CRYL1: variants seen among roughly 807,000 people sequenced by gnomAD.
The protein encoded by CRYL1 is lambda-crystallin homolog.
In CRYL1, 29 loss-of-function variants were observed where a neutral mutation model predicts 36.6. The ratio of observed to expected loss-of-function variants is 0.79; its 90% CI spans 0.59 to 1.08. CRYL1 has a LOEUF of 1.08. CRYL1 is among the 50% of genes least tolerant of loss of function. The pLI is 0.00. For synonymous variants in CRYL1, 152 were observed against 151.5 expected, an observed-to-expected ratio of 1.00 and a Z score of -0.02; for missense variants, 411 against 407.9, an observed-to-expected ratio of 1.01 and a Z score of -0.06.
intron 1 of CRYL1, among the ~76,000 whole-genome samples, chr13:20,521,435 G>A (rs2034097166): frequency 6.6e-6 from 1 of 152,076 alleles, no homozygotes; most frequent in African/African-American, 2.4e-5. Context: ...TCTGTTTCAG[G>A]TTTCCCTCAG....
At chr13:20,524,668 C>G (rs529026893) in intron 1 of CRYL1, among the ~76,000 whole-genome samples, 111 of 152,262 alleles carry the variant, frequency 7.3e-4, no homozygotes, top group African/African-American at 2.3e-3. Flanking sequence ...TGAGCCACCG[C>G]GCGCGGCCCA....
chr13:20,429,063 G>T (rs7338455), intron 5 of CRYL1, among the ~76,000 whole-genome samples: 2 of 151,916 alleles, frequency 1.3e-5, no homozygotes. Context: ...GTTGCCCCCC[G>T]ACCAATGCTC....
chr13:20,410,640 G>GA (rs1458301751), intron 6 of CRYL1, among the ~76,000 whole-genome samples: 1 of 152,012 alleles, frequency 6.6e-6, no homozygotes, highest in African/African-American at 2.4e-5. Flanking sequence ...AAACAACAAC[G>GA]AAAAAAACTA....
At chr13:20,482,302 A>G (rs923739218) in intron 3 of CRYL1, among the ~76,000 whole-genome samples, 3 of 152,168 alleles carry the variant, frequency 2.0e-5, no homozygotes, top group Non-Finnish European at 4.4e-5. Context: ...TTGTGTAAGG[A>G]AACCCCATTT....
chr13:20,407,896 T>C (rs920383761), intron 6 of CRYL1, among the ~76,000 whole-genome samples: 2 of 152,156 alleles, frequency 1.3e-5, no homozygotes, highest in Non-Finnish European at 2.9e-5. Flanking sequence ...TGTTCCCATG[T>C]ATGCAGCAGG....
At chr13:20,489,606 G>A in intron 2 of CRYL1, 110 bp from the exon 3 acceptor site, 4 of 1,327,208 alleles carry the variant, frequency 3.0e-6, no homozygotes, top group Non-Finnish European at 4.2e-6. Flanking sequence ...ACCACAGTGA[G>A]ATACCACCTC....
At chr13:20,470,275 G>C (rs575242393) in intron 3 of CRYL1, among the ~76,000 whole-genome samples, 1 of 152,324 alleles carries the variant, frequency 6.6e-6, no homozygotes, top group African/African-American at 2.4e-5. Context: ...TTCAAGCACA[G>C]CCTCAAGCAC....
At chr13:20,517,237 T>C (rs2034015950) in intron 1 of CRYL1, among the ~76,000 whole-genome samples, 1 of 152,156 alleles carries the variant, frequency 6.6e-6, no homozygotes, top group Non-Finnish European at 1.5e-5. Flanking sequence ...ACAAATGCAG[T>C]ACAGGCCGAG....
chr13:20,457,147 A>G (rs1474972464), intron 3 of CRYL1, among the ~76,000 whole-genome samples: 3 of 152,100 alleles, frequency 2.0e-5, no homozygotes, highest in African/African-American at 7.2e-5. Context: ...ACAGGAAGTC[A>G]TCCTCCATCC....
intron 3 of CRYL1, among the ~76,000 whole-genome samples, chr13:20,442,633 T>C (rs1593447669): frequency 2.6e-5 from 4 of 152,294 alleles, no homozygotes; most frequent in Admixed American, 2.6e-4. Context: ...CCATGCACTC[T>C]CAACTCTGTC....
At chr13:20,517,704 A>C (rs990105571) in intron 1 of CRYL1, among the ~76,000 whole-genome samples, 1 of 152,140 alleles carries the variant, frequency 6.6e-6, no homozygotes, top group Non-Finnish European at 1.5e-5. Flanking sequence ...TGGGAGGCCG[A>C]GGCGGGTGGA....
intron 2 of CRYL1, among the ~76,000 whole-genome samples, chr13:20,503,238 TGAACTCA>T (rs574215049): frequency 1.3e-5 from 2 of 152,162 alleles, no homozygotes; most frequent in Non-Finnish European, 2.9e-5. Flanking sequence ...GCAGGATCTG[TGAACTCA>T]CAGGGAAGTC....
chr13:20,523,870 T>C (rs912926109), intron 1 of CRYL1, among the ~76,000 whole-genome samples: 8 of 152,212 alleles, frequency 5.3e-5, no homozygotes, highest in African/African-American at 1.9e-4. Context: ...TCCTCCTCAG[T>C]AGACTGAGCC....
chr13:20,451,010 A>G (rs1321657240), intron 3 of CRYL1, among the ~76,000 whole-genome samples: 2 of 146,274 alleles, frequency 1.4e-5, no homozygotes, highest in African/African-American at 2.5e-5. Context: ...GAACTGAACA[A>G]TGAGAACACT....
intron 6 of CRYL1, among the ~76,000 whole-genome samples, chr13:20,407,979 G>C (rs2031420863): frequency 6.6e-6 from 1 of 152,180 alleles, no homozygotes; most frequent in African/African-American, 2.4e-5. Flanking sequence ...GCTCCTTGGA[G>C]AGCCTTAATT....
chr13:20,495,662 G>A (rs944862418), intron 2 of CRYL1, among the ~76,000 whole-genome samples: 26 of 152,170 alleles, frequency 1.7e-4, no homozygotes. Flanking sequence ...GAACTGAAGC[G>A]GGATCGCAAA....
At chr13:20,455,715 CAGA>C (rs1223805682) in intron 3 of CRYL1, among the ~76,000 whole-genome samples, 1 of 152,158 alleles carries the variant, frequency 6.6e-6, no homozygotes, top group East Asian at 1.9e-4. Flanking sequence ...ATAGAAATCC[CAGA>C]AGTTTATTTT....
intron 3 of CRYL1, among the ~76,000 whole-genome samples, chr13:20,457,332 A>C (rs2032713942): frequency 6.6e-6 from 1 of 152,202 alleles, no homozygotes. Flanking sequence ...GTTCCAATTA[A>C]TGGTGTGGTT....
chr13:20,419,288 T>TTTATTA (rs1240995162), intron 5 of CRYL1, among the ~76,000 whole-genome samples: 1 of 151,738 alleles, frequency 6.6e-6, no homozygotes, highest in East Asian at 1.9e-4. Flanking sequence ...AGAGATTAAG[T>TTTATTA]TTATTATTAT....
Sources: allele counts gnomAD v4.1 joint callset (sites outside exome capture counted in the v4.1 genomes callset), GRCh38; gene constraint gnomAD v4.1.1; transcripts MANE v1.5; gene names NCBI Gene and HGNC (gene_info 2026-07-23, HGNC 2026-07-21).